Variants in L3MBTL2 observed in about 807,000 individuals in gnomAD.
L3MBTL2 encodes the protein lethal(3)malignant brain tumor-like protein 2.
A neutral mutation model predicts 86.4 loss-of-function variants in L3MBTL2; 49 were observed. The observed-to-expected ratio is 0.57, with a 90% CI of 0.45 to 0.72. The LOEUF (loss-of-function observed/expected upper bound fraction) is 0.72. Among genes scored for constraint, L3MBTL2 ranks in the 30% least tolerant of loss-of-function variants. The pLI, the probability that L3MBTL2 is intolerant of heterozygous loss-of-function variation, is 0.00. For synonymous variants in L3MBTL2, 336 were observed against 350.6 expected (o/e 0.96, Z 0.47); for missense variants, 755 against 923.7 (o/e 0.82, Z 2.37).
intron 2 of L3MBTL2, among the ~76,000 whole-genome samples, chr22:41,211,856 C>G (rs1342717153): frequency 2.9e-5 from 2 of 67,902 alleles, no homozygotes; most frequent in African/African-American, 1.5e-4. Context: ...CGCACCCGGC[C>G]TTTTTTTTTT....
At chr22:41,217,272 C>A in intron 5 of L3MBTL2, 70 bp downstream of exon 5, 1 of 1,238,822 alleles carries the variant, frequency 8.1e-7, no homozygotes, top group Non-Finnish European at 1.2e-6. Context: ...ACCTGCTTCA[C>A]CAGGGCGGCT....
At chr22:41,213,225 T>G (rs1462343566) in intron 2 of L3MBTL2, among the ~76,000 whole-genome samples, 1 of 152,094 alleles carries the variant, frequency 6.6e-6, no homozygotes, top group Non-Finnish European at 1.5e-5. Context: ...GTCTCAAAAA[T>G]AAATAAATAA....
intron 8 of L3MBTL2, among the ~76,000 whole-genome samples, chr22:41,221,892 C>G (rs749432351): frequency 6.8e-6 from 1 of 147,996 alleles, no homozygotes; most frequent in Non-Finnish European, 1.5e-5. Context: ...CATGAGCCAC[C>G]GCGCCCAGCC....
intron 1 of L3MBTL2, among the ~76,000 whole-genome samples, chr22:41,208,130 C>CT (rs1028339589): frequency 1.3e-5 from 2 of 151,640 alleles, no homozygotes; most frequent in South Asian, 2.1e-4. Flanking sequence ...CCGCACCCAG[C>CT]TTTTTTTTCT....
chr22:41,209,653 C>T lies in L3MBTL2; in HGVS notation c.25-43C>T, dbSNP rs761683675. On this transcript the variant is annotated intron_variant, in intron 1 of 16. Coordinates refer to ENST00000216237, the MANE Select transcript of L3MBTL2 (RefSeq NM_031488.5). ...AGCTTCTCCCCCCGTGCACTAAAGC[C>T]AATCATAATTCTTTCTACCTGGTTT... The T allele has an allele frequency of 4.4e-6, 7 of 1,576,216 alleles. No individual in the cohort carries two copies. In the East Asian group the frequency reaches 1.6e-4, roughly 35 times the overall value.
In L3MBTL2 at chr22:41,221,339, T is replaced by G. The variant is rs1413529478; in HGVS notation, c.942+52T>G. The G allele has an allele frequency of 4.9e-6, 7 of 1,415,886 alleles. No individual in the cohort carries two copies. The South Asian group carries it at 8.6e-5, about 17-fold the overall frequency. The allele number at this position is 1,415,886 out of a possible 1,614,324, so 87.7% of individuals were successfully genotyped here. A position where few individuals can be genotyped will look rare whatever the true frequency, so the allele number is the denominator to read the frequency against. On this transcript the variant is annotated intron_variant, in intron 8 of 16. Transcript: ENST00000216237. ...GCCTCCTTCCGCTCTTCCATTTTTCTGCATCCTGCATGCCACTCACTGGAG... is the reference window on the plus strand; with the variant it reads ...GCCTCCTTCCGCTCTTCCATTTTTCGGCATCCTGCATGCCACTCACTGGAG...
chr22:41,227,434 C>A lies in L3MBTL2; in HGVS notation c.1822+111C>A. The A allele has an allele frequency of 1.6e-6, 2 of 1,228,342 alleles. No homozygotes were observed. Among genetic ancestry groups the A allele is most frequent in the Non-Finnish European group, 2.3e-6 (2 of 857,154 alleles). The allele number at this position is 1,228,342 out of a possible 1,614,324, so 76.1% of individuals were successfully genotyped here. ...TCTTTGGCATGAGGTGGAGATGTCTCATGGACCACTTTAAGTAGAGAGTGA... is the reference window on the plus strand; with the variant it reads ...TCTTTGGCATGAGGTGGAGATGTCTAATGGACCACTTTAAGTAGAGAGTGA... On this transcript the variant is annotated intron_variant, in intron 14 of 16. Coordinates refer to ENST00000216237, the MANE Select transcript of L3MBTL2 (RefSeq NM_031488.5). This position sits in a 1 kb window ranked among gnomAD's most constrained non-coding sequence, Gnocchi z 6.0.
At chr22:41,212,349 T>G (rs2030943395) in intron 2 of L3MBTL2, among the ~76,000 whole-genome samples, 1 of 151,338 alleles carries the variant, frequency 6.6e-6, no homozygotes, top group Admixed American at 6.6e-5. Context: ...AAACTACAGG[T>G]ACCAGTATCC....
rs535898876 is a variant in L3MBTL2, at chr22:41,225,728, G to A, written c.1357-66G>A. ...TTGCCTCGTGTCCCTATTGGGGTGCGGTACCAACCCAGGATGGGGTGCAGT... is the reference window on the plus strand; with the variant it reads ...TTGCCTCGTGTCCCTATTGGGGTGCAGTACCAACCCAGGATGGGGTGCAGT... On this transcript the variant is annotated intron_variant, in intron 11 of 16. Transcript: ENST00000216237. The surrounding 1 kb of genome is among the most constrained non-coding windows in gnomAD (Gnocchi z 4.1). 7.8e-6 allele frequency: 12 copies of A among 1,538,924 alleles called. No individual in the cohort carries two copies. The highest frequency in any genetic ancestry group is 3.6e-5 in the South Asian group (3 of 82,526).
intron 8 of L3MBTL2, among the ~76,000 whole-genome samples, chr22:41,222,965 G>A (rs2031929501): frequency 6.6e-6 from 1 of 152,186 alleles, no homozygotes; most frequent in African/African-American, 2.4e-5. Flanking sequence ...GTTGGATTGT[G>A]GGCTGCACTG....
chr22:41,219,238 CGGCTTAGCTCTTCAAG>C (rs2031632729), intron 5 of L3MBTL2, 165 bp from the exon 6 acceptor site: 16 of 527,538 alleles, frequency 3.0e-5, no homozygotes, highest in South Asian at 2.9e-4. Flanking sequence ...CCTCTACTCC[CGGCTTAGCTCTTCAAG>C]GACAGGAGAC....
intron 5 of L3MBTL2, chr22:41,218,201 GC>G (rs2031543278): frequency 6.6e-6 from 1 of 152,252 alleles, no homozygotes; most frequent in Non-Finnish European, 1.5e-5. Context: ...ACTGGCTGAA[GC>G]CAGGGCTGAG....
Position 41,221,229 on chromosome 22 carries a change from G to C in L3MBTL2, c.884G>C (p.Gly295Ala). ...CATGCCAAGTTCACCGACTGGAAGG[G>C]CTACCTCATGAAACGGCTGGTGGGC... ...TIHAKFTDWK[G>A]YLMKRLVGSR... is the part of the protein sequence containing the mutation. The change falls in exon 8 of 17, where the codon GGC (glycine) becomes GCC (alanine). Residue 295 changes from glycine (G) to alanine (A), a missense_variant. Physicochemically the swap from Gly to Ala is moderately conservative, Grantham distance 60. Coordinates refer to ENST00000216237, the MANE Select transcript of L3MBTL2 (RefSeq NM_031488.5). 2 of 1,551,456 alleles carry C rather than the reference G, an allele frequency of 1.3e-6. No individual in the cohort carries two copies. Among genetic ancestry groups the C allele is most frequent in the Non-Finnish European group, 1.7e-6 (2 of 1,146,718 alleles).
At chr22:41,214,292 A>T (rs1261713558) in intron 3 of L3MBTL2, 1 of 291,934 alleles carries the variant, frequency 3.4e-6, no homozygotes, top group Non-Finnish European at 6.5e-6. Flanking sequence ...ACTATGGGGG[A>T]GTCTGACACC....
At chr22:41,221,596 T>C (rs2031822635) in intron 8 of L3MBTL2, among the ~76,000 whole-genome samples, 1 of 152,204 alleles carries the variant, frequency 6.6e-6, no homozygotes, top group East Asian at 1.9e-4. Flanking sequence ...ACTCAATAGA[T>C]TTTATTAACA....
At position 41,219,485 on chromosome 22, in the gene L3MBTL2, G is replaced by A. The variant is rs558935998; in HGVS notation, c.667G>A (p.Ala223Thr). The change falls in exon 6 of 17, where the codon GCT becomes ACT. Residue 223 changes from alanine (A) to threonine (T), a missense_variant. By Grantham distance (58) the Ala-to-Thr change is moderately conservative (BLOSUM62 0). This residue lies in a region of L3MBTL2 where 634 missense variants were observed against 748.9 expected (regional missense o/e 0.85). Transcript: ENST00000216237. ...GAAGGTGGAGGTGCTCAACAGTGAT[G>A]CTGTGCTCCCCAGCCGGGTGTACTG... ...GMKVEVLNSDAVLPSRVYWIA... is the reference protein window; with the variant it reads ...GMKVEVLNSDTVLPSRVYWIA... 1 of 1,614,010 alleles carries A rather than the reference G, an allele frequency of 6.2e-7. No homozygotes were observed. The highest frequency in any genetic ancestry group is 1.1e-5 in the South Asian group (1 of 91,086).
rs779225742 is a variant in L3MBTL2 at position 41,229,694 on chromosome 22, T to C, written c.2005+38T>C. 6.8e-6 allele frequency: 11 copies of C among 1,612,676 alleles called. No individual in the cohort carries two copies. The African/African-American group carries it at 1.5e-4, about 22-fold the overall frequency. ...GGGCTGGGTCAAGGCAGGACCAGCC[T>C]GCTCCGTGCTCAGAGACGACCCTTC... is the stretch of plus-strand genomic sequence containing the variant. On this transcript the variant is annotated intron_variant, in intron 16 of 16. Coordinates refer to ENST00000216237, the MANE Select transcript of L3MBTL2 (RefSeq NM_031488.5).
At chr22:41,222,239 A>T (rs2031877083) in intron 8 of L3MBTL2, among the ~76,000 whole-genome samples, 1 of 152,216 alleles carries the variant, frequency 6.6e-6, no homozygotes, top group Non-Finnish European at 1.5e-5. Flanking sequence ...GGGAATACAA[A>T]GAATACAGAC....
chr22:41,219,325 T>A (rs2031640986), intron 5 of L3MBTL2, 94 bp from the exon 6 acceptor site: 2 of 871,826 alleles, frequency 2.3e-6, no homozygotes, highest in South Asian at 2.7e-5. Flanking sequence ...AAAGTTGAGG[T>A]GCAAACGAGG....
Sources: allele counts gnomAD v4.1 joint callset (sites outside exome capture counted in the v4.1 genomes callset), GRCh38; gene constraint gnomAD v4.1.1; regional missense constraint gnomAD v4.1.1; non-coding constraint Gnocchi (gnomAD v3.1); transcripts MANE v1.5; gene names NCBI Gene and HGNC (gene_info 2026-07-23, HGNC 2026-07-21).